Variants in NHSL1 observed in about 807,000 individuals in gnomAD.
The protein encoded by NHSL1 is NHS-like protein 1.
NHSL1 carries 48 observed loss-of-function variants against 95.0 expected under a neutral mutation model. That is an observed-to-expected ratio of 0.51 (90% CI 0.40 to 0.64). The LOEUF (loss-of-function observed/expected upper bound fraction) is 0.64. Among genes scored for constraint, NHSL1 ranks in the 30% least tolerant of loss-of-function variants. The pLI, the probability that NHSL1 is intolerant of heterozygous loss-of-function variation, is 0.00. For missense variants in NHSL1, 1,971 were observed against 2,077.7 expected, an observed-to-expected ratio of 0.95 and a Z score of 1.00; for synonymous variants, 783 against 833.9, an observed-to-expected ratio of 0.94 and a Z score of 1.05.
chr6:138,423,107 A>AC lies in NHSL1; in HGVS notation c.*973_*974insG, dbSNP rs1775018233. The AC allele has an allele frequency of 1.3e-5, 2 of 151,842 alleles. No individual in the cohort carries two copies. The highest frequency in any genetic ancestry group is 2.1e-4 in the South Asian group (1 of 4,822). 9.4% of individuals were successfully genotyped at this position (151,842 alleles called of 1,614,324 possible). The stretch of plus-strand genomic sequence containing the variant: ...TTAAACTCTGGTTAAAAAAAAAAAA[A>AC]AAAAAAAACTGTTGTAAAAGGAAAA... On this transcript the variant is annotated 3_prime_UTR_variant, in exon 8 of 8. Transcript: ENST00000343505.
At chr6:138,661,071 T>G (rs1785221172) in intron 1 of NHSL1, among the ~76,000 whole-genome samples, 1 of 152,130 alleles carries the variant, frequency 6.6e-6, no homozygotes, top group Non-Finnish European at 1.5e-5. Context: ...TCTGAGAAGA[T>G]TATCACAATC....
chr6:138,620,428 G>C (rs1400002933), intron 1 of NHSL1, among the ~76,000 whole-genome samples: 1 of 152,052 alleles, frequency 6.6e-6, no homozygotes, highest in Non-Finnish European at 1.5e-5. Flanking sequence ...TTTTTTTTGA[G>C]AAGGGTAAGG....
chr6:138,663,862 C>A (rs1785261475), intron 1 of NHSL1, among the ~76,000 whole-genome samples: 1 of 152,050 alleles, frequency 6.6e-6, no homozygotes, highest in South Asian at 2.1e-4. Context: ...CAGAGCAAGA[C>A]TCTATCTCAA....
At chr6:138,458,257 C>A (rs1451482791) in intron 3 of NHSL1, among the ~76,000 whole-genome samples, 1 of 152,202 alleles carries the variant, frequency 6.6e-6, no homozygotes. Context: ...TCAGCTGCCA[C>A]AATGGAGGAA....
At chr6:138,621,832 G>A (rs1341011564) in intron 1 of NHSL1, among the ~76,000 whole-genome samples, 8 of 152,208 alleles carry the variant, frequency 5.3e-5, no homozygotes, top group Admixed American at 5.2e-4. Context: ...CAATCCCACT[G>A]TCACTGTCAC....
At position 138,423,815 on chromosome 6, in the gene NHSL1, C is replaced by CAAAAAAAAAAAAAAAAAAA. The variant is rs56326954; in HGVS notation, c.*247_*265dup. On this transcript the variant is annotated 3_prime_UTR_variant, in exon 8 of 8. Transcript: ENST00000343505. The stretch of plus-strand genomic sequence containing the variant: ...GCACACATACACACCCAGCATTTAG[C>CAAAAAAAAAAAAAAAAAAA]AAAAAAAAAAAAAAAAAAAAAAAAT... 7.5e-6 allele frequency: 1 copy of CAAAAAAAAAAAAAAAAAAA among 133,622 alleles called. No homozygotes were observed. The highest frequency in any genetic ancestry group is 3.8e-5 in the African/African-American group (1 of 26,268). The allele number at this position is 133,622 out of a possible 1,614,324, so 8.3% of individuals were successfully genotyped here.
chr6:138,653,070 T>A (rs1438223102), intron 1 of NHSL1, among the ~76,000 whole-genome samples: 1 of 152,236 alleles, frequency 6.6e-6, no homozygotes, highest in African/African-American at 2.4e-5. Context: ...GCTAAACAGC[T>A]ACCACAGAGT....
intron 3 of NHSL1, among the ~76,000 whole-genome samples, chr6:138,458,733 G>T (rs549166871): frequency 6.6e-6 from 1 of 151,332 alleles, no homozygotes; most frequent in African/African-American, 2.4e-5. Flanking sequence ...GGCTGAGCCA[G>T]GAGAATCGCT....
upstream of NHSL1, among the ~76,000 whole-genome samples, chr6:138,547,859 C>A (rs1236577672): frequency 6.6e-6 from 1 of 152,212 alleles, no homozygotes. Context: ...TCTGTCCTCT[C>A]CTGTTCTGAG....
intron 1 of NHSL1, chr6:138,512,471 C>T: frequency 3.3e-6 from 1 of 304,854 alleles, no homozygotes; most frequent in Non-Finnish European, 6.5e-6. Context: ...TCTAACTGCT[C>T]GTCAACAGGA....
chr6:138,566,249 T>C (rs1230784849), intron 1 of NHSL1, among the ~76,000 whole-genome samples: 1 of 151,798 alleles, frequency 6.6e-6, no homozygotes, highest in Non-Finnish European at 1.5e-5. Context: ...AATATAAAAA[T>C]TAGCCGGGCG....
intron 1 of NHSL1, among the ~76,000 whole-genome samples, chr6:138,625,010 T>G (rs1045184889): frequency 4.6e-5 from 7 of 152,188 alleles, no homozygotes; most frequent in African/African-American, 1.7e-4. Flanking sequence ...GAGAGAGATA[T>G]TCTGTCTTAA....
chr6:138,585,595 T>C (rs9389592), intron 1 of NHSL1, among the ~76,000 whole-genome samples: 27,587 of 152,028 alleles, frequency 0.18, 3,206 homozygotes, highest in East Asian at 0.38. Flanking sequence ...CTCTCTCTTA[T>C]GTTCCATCCT....
rs750111228 is a variant in NHSL1 at position 138,616,494 on chromosome 6, G to A, written c.96+75982C>T. On this transcript the variant is annotated intron_variant, in intron 1 of 3. Coordinates refer to the NHSL1 transcript ENST00000491526. ...AACAAGTAAATAGAGAAAGGGGGAG[G>A]AAGAGAGGAAGAGGGAACAAGGGGG... is the stretch of plus-strand genomic sequence containing the variant. Among the ~76,000 whole-genome samples, 24 of 152,120 alleles carry A rather than the reference G, an allele frequency of 1.6e-4. No individual in the cohort carries two copies. The East Asian group carries it at 3.9e-3, about 25-fold the overall frequency.
At chr6:138,535,107 T>C (rs1436306476) in intron 1 of NHSL1, among the ~76,000 whole-genome samples, 1 of 152,156 alleles carries the variant, frequency 6.6e-6, no homozygotes, top group Admixed American at 6.5e-5. Context: ...CTCTGGCTAC[T>C]GGGTTGAAAG....
chr6:138,449,600 T>C (rs1777098698), intron 3 of NHSL1, among the ~76,000 whole-genome samples: 1 of 151,752 alleles, frequency 6.6e-6, no homozygotes, highest in African/African-American at 2.4e-5. Context: ...TCGCTTGAAC[T>C]CGGGAGGCTG....
intron 3 of NHSL1, among the ~76,000 whole-genome samples, chr6:138,456,211 CAT>C (rs1366556246): frequency 6.6e-6 from 1 of 152,134 alleles, no homozygotes; most frequent in East Asian, 1.9e-4. Flanking sequence ...CAAACCGGAA[CAT>C]GTGGTTTTTA....
At chr6:138,609,749 C>CAAAAAAAAAAAAAAAAA (rs10687521) in intron 1 of NHSL1, among the ~76,000 whole-genome samples, 6 of 106,220 alleles carry the variant, frequency 5.6e-5, no homozygotes, top group African/African-American at 1.8e-4. Flanking sequence ...GACTCTGTCT[C>CAAAAAAAAAAAAAAAAA]AAAAAAAAAA....
At position 138,430,822 on chromosome 6, in the gene NHSL1, G is replaced by A. The variant is rs752271372; in HGVS notation, c.3523C>T (p.Arg1175Trp). 148 of 1,550,722 alleles carry A rather than the reference G, an allele frequency of 9.5e-5. 1 individual carries two copies. In the South Asian group the frequency reaches 1.3e-3, roughly 14 times the overall value. Residue 1175 changes from arginine to tryptophan, a missense_variant, in exon 6 of 8, where the codon CGG becomes TGG. Arg to Trp is a moderately radical substitution (Grantham distance 101). This residue lies in a region of NHSL1 where 1,602 missense variants were observed against 1,654.5 expected (regional missense o/e 0.97). Transcript: ENST00000343505. The surrounding 1 kb of genome is among the most constrained non-coding windows in gnomAD (Gnocchi z 4.7). ...GAPSAGEAEA[R>W]PSPSTTPLPD... ...AGTGGGGTGGTGCTGGGGCTGGGCCGAGCCTCTGCCTCCCCAGCGCTTGGA... is the reference window on the plus strand; with the variant it reads ...AGTGGGGTGGTGCTGGGGCTGGGCCAAGCCTCTGCCTCCCCAGCGCTTGGA...
Sources: allele counts gnomAD v4.1 joint callset (sites outside exome capture counted in the v4.1 genomes callset), GRCh38; gene constraint gnomAD v4.1.1; regional missense constraint gnomAD v4.1.1; non-coding constraint Gnocchi (gnomAD v3.1); transcripts MANE v1.5; gene names NCBI Gene and HGNC (gene_info 2026-07-23, HGNC 2026-07-21).